CCDC171: variants seen among roughly 807,000 people sequenced by gnomAD.
The protein encoded by CCDC171 is coiled-coil domain-containing protein 171.
Under a neutral mutation model 168.2 loss-of-function variants are expected in CCDC171, and 177 were observed. The observed-to-expected ratio is 1.05, with a 90% confidence interval of 0.93 to 1.19. The LOEUF (loss-of-function observed/expected upper bound fraction) is 1.19. CCDC171 is among the 50% of genes most tolerant of loss of function. The pLI, the probability that CCDC171 is intolerant of heterozygous loss-of-function variation, is 0.00. For synonymous variants in CCDC171, 687 were observed against 540.8 expected, an observed-to-expected ratio of 1.27 and a Z score of -3.75; for missense variants, 1,991 against 1,539.0, an observed-to-expected ratio of 1.29 and a Z score of -4.91.
chr9:15,838,723 C>T lies in CCDC171; in HGVS notation c.3268-7979C>T, dbSNP rs182334199. Among the ~76,000 whole-genome samples, 689 of 152,288 alleles carry T rather than the reference C, an allele frequency of 4.5e-3. 3 individuals carry two copies. The highest frequency in any genetic ancestry group is 0.016 in the African/African-American group (661 of 41,558). On this transcript the variant is annotated intron_variant, in intron 21 of 25. Coordinates refer to ENST00000380701, the MANE Select transcript of CCDC171 (RefSeq NM_173550.4). ...CTGAGATTACAGGCATTCACCACCA[C>T]GCCTGGCTGGATACCAGTTTTTTAA...
chr9:15,773,948 C>G (rs939143523), intron 18 of CCDC171, among the ~76,000 whole-genome samples: 5 of 151,832 alleles, frequency 3.3e-5, no homozygotes, highest in East Asian at 1.9e-4. Context: ...TCAGCAAGAA[C>G]AAAACAATCT....
chr9:15,950,588 C>T (rs1393293095), intron 25 of CCDC171, among the ~76,000 whole-genome samples: 21 of 152,034 alleles, frequency 1.4e-4, no homozygotes, highest in Admixed American at 8.5e-4. Context: ...GATTTTGTCA[C>T]CACCAGACCT....
intron 20 of CCDC171, among the ~76,000 whole-genome samples, chr9:15,780,464 C>G (rs1271026524): frequency 6.6e-6 from 1 of 152,030 alleles, no homozygotes; most frequent in East Asian, 1.9e-4. Flanking sequence ...AGGAAGGTTA[C>G]TAGAGGCCAG....
At chr9:15,576,834 A>G (rs1304763986) in intron 3 of CCDC171, among the ~76,000 whole-genome samples, 4 of 152,192 alleles carry the variant, frequency 2.6e-5, no homozygotes, top group African/African-American at 7.2e-5. Context: ...CTTCTGTAGC[A>G]TACTGAGATC....
chr9:16,009,404 C>T (rs1469105807), intron 3 of CCDC171, among the ~76,000 whole-genome samples: 1 of 152,164 alleles, frequency 6.6e-6, no homozygotes, highest in Admixed American at 6.5e-5. Context: ...GTTGTTTTTC[C>T]TTAGCTCATT....
intron 7 of CCDC171, among the ~76,000 whole-genome samples, chr9:15,651,136 G>A (rs946789762): frequency 1.2e-4 from 18 of 147,562 alleles, no homozygotes; most frequent in African/African-American, 4.5e-4. Flanking sequence ...TTGAGATGAA[G>A]TCTCACTGTC....
At chr9:16,018,814 C>T (rs780660192) in intron 3 of CCDC171, among the ~76,000 whole-genome samples, 40 of 152,238 alleles carry the variant, frequency 2.6e-4, no homozygotes, top group East Asian at 1.9e-4. Flanking sequence ...TATGGGGAAC[C>T]GGGCCCTTAA....
intron 3 of CCDC171, among the ~76,000 whole-genome samples, chr9:15,578,236 T>C (rs1251309353): frequency 2.6e-5 from 4 of 151,210 alleles, no homozygotes; most frequent in Non-Finnish European, 1.5e-5. Flanking sequence ...ATATTTTCTT[T>C]TCTTTATTTT....
At chr9:16,028,709 G>A (rs1396836265) in intron 6 of CCDC171, among the ~76,000 whole-genome samples, 3 of 152,112 alleles carry the variant, frequency 2.0e-5, no homozygotes, top group Non-Finnish European at 1.5e-5. Flanking sequence ...TTCACTGACT[G>A]AGGCCCCAGC....
intron 6 of CCDC171, among the ~76,000 whole-genome samples, chr9:16,028,363 T>C (rs1833312320): frequency 6.6e-6 from 1 of 152,144 alleles, no homozygotes; most frequent in South Asian, 2.1e-4. Context: ...TCTGTTAAGA[T>C]GATACTCAGC....
chr9:15,600,198 A>AG (rs1261279635), intron 6 of CCDC171, among the ~76,000 whole-genome samples: 1 of 152,072 alleles, frequency 6.6e-6, no homozygotes, highest in Non-Finnish European at 1.5e-5. Context: ...GTTCCTTTAG[A>AG]GGGGGAGAGG....
intron 25 of CCDC171, 76 bp from the exon 26 acceptor site, chr9:15,971,533 G>T (rs1345902525): frequency 1.2e-6 from 1 of 851,478 alleles, no homozygotes; most frequent in Non-Finnish European, 1.9e-6. Context: ...TAGTCTACTT[G>T]CCTGTTTATG....
chr9:16,006,606 G>A (rs1466668756), intron 3 of CCDC171, among the ~76,000 whole-genome samples: 1 of 145,340 alleles, frequency 6.9e-6, no homozygotes, highest in African/African-American at 2.6e-5. Context: ...CACAGTCCCT[G>A]GTGTGTGATG....
rs553233779 is a variant in CCDC171, at chr9:15,623,467, G to A, written c.822+54G>A. On this transcript the variant is annotated intron_variant, in intron 7 of 25. Coordinates refer to ENST00000380701, the MANE Select transcript of CCDC171 (RefSeq NM_173550.4). ...TATGCGTACAAACTTTCACATATGC[G>A]CGCGCGCGCACACACACACACACAC... 27 of 587,394 alleles carry A rather than the reference G, an allele frequency of 4.6e-5. 2 individuals carry two copies. The highest frequency in any genetic ancestry group is 2.7e-4 in the South Asian group (13 of 48,610). 36.4% of individuals were successfully genotyped at this position (587,394 alleles called of 1,614,324 possible).
the CCDC171 span, among the ~76,000 whole-genome samples, chr9:16,078,674 A>G: frequency 3.3e-5 from 5 of 152,202 alleles, no homozygotes; most frequent in Non-Finnish European, 7.3e-5. Flanking sequence ...TATTAAACCT[A>G]GTCATAGCAC....
downstream of CCDC171, among the ~76,000 whole-genome samples, chr9:15,975,933 G>A (rs1831607398): frequency 6.6e-6 from 1 of 152,130 alleles, no homozygotes; most frequent in East Asian, 1.9e-4. Context: ...AAATGCAATA[G>A]GAGGTATCTT....
intron 4 of CCDC171, among the ~76,000 whole-genome samples, chr9:15,587,011 C>T (rs1419859759): frequency 6.6e-6 from 1 of 152,038 alleles, no homozygotes; most frequent in Non-Finnish European, 1.5e-5. Flanking sequence ...CTAGGTCTTG[C>T]CATGTTGACC....
upstream of CCDC171, among the ~76,000 whole-genome samples, chr9:16,038,797 A>G (rs986901971): frequency 6.6e-6 from 1 of 151,480 alleles, no homozygotes; most frequent in African/African-American, 2.4e-5. Flanking sequence ...ATGTGGTTTT[A>G]TAAGAGAAAA....
intron 25 of CCDC171, among the ~76,000 whole-genome samples, chr9:15,956,153 G>C (rs1829775199): frequency 6.6e-6 from 1 of 152,148 alleles, no homozygotes; most frequent in South Asian, 2.1e-4. Flanking sequence ...TCTGCGATTT[G>C]AAGGCATGTC....
Sources: allele counts gnomAD v4.1 joint callset (sites outside exome capture counted in the v4.1 genomes callset), GRCh38; gene constraint gnomAD v4.1.1; transcripts MANE v1.5; gene names NCBI Gene and HGNC (gene_info 2026-07-23, HGNC 2026-07-21).